Variants in ZNF382 observed in about 807,000 individuals in gnomAD.
ZNF382 encodes KRAB/zinc finger suppressor protein 1.
In ZNF382, 20 loss-of-function variants were observed where a neutral mutation model predicts 38.8. The observed-to-expected ratio is 0.51, with a 90% CI of 0.36 to 0.75. The LOEUF is 0.75. Ranked by LOEUF, ZNF382 falls within the 30% of genes least tolerant of loss-of-function variation. ZNF382 has a pLI of 0.00. For missense variants in ZNF382, 546 were observed against 654.1 expected, an observed-to-expected ratio of 0.83 and a Z score of 1.80; for synonymous variants, 202 against 223.1, an observed-to-expected ratio of 0.91 and a Z score of 0.84.
Position 36,607,597 on chromosome 19 carries a change from C to G in ZNF382, c.-39C>G. 1 of 1,532,014 alleles carries G rather than the reference C, an allele frequency of 6.5e-7. No homozygotes were observed. Among genetic ancestry groups the G allele is most frequent in the South Asian group, 1.2e-5 (1 of 83,232 alleles). The allele number at this position is 1,532,014 out of a possible 1,614,324, so 94.9% of individuals were successfully genotyped here. On this transcript the variant is annotated 5_prime_UTR_variant, in exon 2 of 5. It adds an upstream start codon to the 5' untranslated region. Transcript: ENST00000292928. ...GAGGAGCTCAAAAGAGAAAGTTCAT[C>G]TAGAAATCTCAAAGCCATGTCTCAG... is the stretch of plus-strand genomic sequence containing the variant.
chr19:36,618,532 C>G (rs1263020371), intron 4 of ZNF382, among the ~76,000 whole-genome samples: 1 of 152,188 alleles, frequency 6.6e-6, no homozygotes, highest in African/African-American at 2.4e-5. Flanking sequence ...TGTGCTTTCT[C>G]CTGGAGATCT....
chr19:36,630,643 T>A lies in ZNF382; in HGVS notation c.*3093T>A, dbSNP rs894756231. On this transcript the variant is annotated 3_prime_UTR_variant, in exon 5 of 5. Transcript: ENST00000292928. The stretch of plus-strand genomic sequence containing the variant: ...CCACCGCACCCAGCCGAAATTGTGT[T>A]TTCTAAAGCTATTTACATATAAGCT... 3 of 152,044 alleles carry A rather than the reference T, an allele frequency of 2.0e-5. No homozygotes were observed. The highest frequency in any genetic ancestry group is 2.9e-5 in the Non-Finnish European group (2 of 68,032). 9.4% of individuals were successfully genotyped at this position (152,044 alleles called of 1,614,324 possible). A position where few individuals can be genotyped will look rare whatever the true frequency, so the allele number is the denominator to read the frequency against.
At chr19:36,610,520 T>C in intron 3 of ZNF382, 130 bp from the exon 4 acceptor site, 1 of 603,122 alleles carries the variant, frequency 1.7e-6, no homozygotes. Flanking sequence ...ACTTGTGTAG[T>C]GTAAGGTATT....
At position 36,626,640 on chromosome 19, in the gene ZNF382, C is replaced by G; in HGVS notation, c.743C>G (p.Ala248Gly). The G allele has an allele frequency of 6.2e-7, 1 of 1,614,078 alleles. No homozygotes were observed. Among genetic ancestry groups the G allele is most frequent in the Non-Finnish European group, 8.5e-7 (1 of 1,180,032 alleles). Residue 248 changes from alanine to glycine, a missense_variant, in exon 5 of 5, where the codon GCC (alanine) becomes GGC (glycine). By Grantham distance (60) the Ala-to-Gly change is moderately conservative. Coordinates refer to ENST00000292928, the MANE Select transcript of ZNF382 (RefSeq NM_032825.5). ...RTFEYNKDGI[A>G]FIEKSSLSVH... Reference sequence around the variant, plus strand: ...TTTGAATACAATAAAGATGGAATTGCCTTCATAGAAAAGTCAAGCCTCAGT... The same window carrying G: ...TTTGAATACAATAAAGATGGAATTGGCTTCATAGAAAAGTCAAGCCTCAGT...
chr19:36,627,056 A>G lies in ZNF382; in HGVS notation c.1159A>G (p.Ser387Gly). 1.2e-6 allele frequency: 2 copies of G among 1,613,944 alleles called. No homozygotes were observed. The highest frequency in any genetic ancestry group is 1.7e-6 in the Non-Finnish European group (2 of 1,179,982). Residue 387 changes from serine (S) to glycine (G), a missense_variant, in exon 5 of 5, where the codon AGT becomes GGT. Ser to Gly is a moderately conservative substitution (Grantham distance 56). Transcript: ENST00000292928. ...EKAYECPQCG[S>G]AFRKKSYLID... is the part of the protein sequence containing the mutation. ...AGCCTATGAATGTCCTCAGTGTGGA[A>G]GTGCCTTTAGGAAGAAGTCATACCT... is the stretch of plus-strand genomic sequence containing the variant.
In ZNF382 at chr19:36,618,977, G is replaced by C. The variant is rs201981068; in HGVS notation, c.233-7153G>C. Among the ~76,000 whole-genome samples, 19 of 152,316 alleles carry C rather than the reference G, an allele frequency of 1.2e-4. No homozygotes were observed. In the East Asian group the frequency reaches 2.9e-3, roughly 23 times the overall value. ...TGCTAGGACCCAGGAGGTGGAGGTA[G>C]ATCGCGCCACTGCACTCCAGCATAG... On this transcript the variant is annotated intron_variant, in intron 4 of 4. Transcript: ENST00000292928.
rs1164806047 is a variant in ZNF382 at position 36,627,258 on chromosome 19, A to G, written c.1361A>G (p.His454Arg). Residue 454 changes from histidine (H) to arginine (R), a missense_variant, in exon 5 of 5, where the codon CAC becomes CGC. Physicochemically the swap from His to Arg is conservative, Grantham distance 29. Transcript: ENST00000292928. ...TGCCAAAAGACAACCCTCACTCTCCACCAGAGAATTCACACGGGGGAAAAA... is the reference window on the plus strand; with the variant it reads ...TGCCAAAAGACAACCCTCACTCTCCGCCAGAGAATTCACACGGGGGAAAAA... ...SFCQKTTLTLHQRIHTGEKPY... is the reference protein window; with the variant it reads ...SFCQKTTLTLRQRIHTGEKPY... The G allele has an allele frequency of 1.2e-6, 2 of 1,613,534 alleles. No individual in the cohort carries two copies. Among genetic ancestry groups the G allele is most frequent in the Admixed American group, 3.3e-5 (2 of 59,914 alleles).
At chr19:36,624,111 G>A (rs1330713369) in intron 4 of ZNF382, among the ~76,000 whole-genome samples, 1 of 151,912 alleles carries the variant, frequency 6.6e-6, no homozygotes, top group Admixed American at 6.6e-5. Context: ...GAAAGACTAT[G>A]TGAAAACTTT....
intron 4 of ZNF382, among the ~76,000 whole-genome samples, chr19:36,617,326 A>G (rs567711831): frequency 3.3e-5 from 5 of 152,290 alleles, no homozygotes; most frequent in African/African-American, 1.2e-4. Context: ...AGAGGAGCCT[A>G]GGATTCTAAC....
In ZNF382 at chr19:36,626,738, C is replaced by T. The variant is rs1393666374; in HGVS notation, c.841C>T (p.Pro281Ser). ...NKYGKFLCRK[P>S]VFIMPQRPQT... ...ATATGGGAAATTCCTCTGCAGAAAGCCTGTTTTTATTATGCCTCAGAGACC... is the reference window on the plus strand; with the variant it reads ...ATATGGGAAATTCCTCTGCAGAAAGTCTGTTTTTATTATGCCTCAGAGACC... Residue 281 changes from proline to serine, a missense_variant, in exon 5 of 5, where the codon CCT becomes TCT. Pro to Ser is a moderately conservative substitution (Grantham distance 74). Transcript: ENST00000292928. 1.9e-6 allele frequency: 3 copies of T among 1,614,010 alleles called. No individual in the cohort carries two copies. The highest frequency in any genetic ancestry group is 2.5e-6 in the Non-Finnish European group (3 of 1,180,032).
rs142867947 is a variant in ZNF382, at chr19:36,605,918, T to C, written c.-85+571T>C. On this transcript the variant is annotated intron_variant, in intron 1 of 4. Coordinates refer to ENST00000292928, the MANE Select transcript of ZNF382 (RefSeq NM_032825.5). ...GTGGTTGTGACTGCCTGGAGTCGTGTTAGCTGCTGTCTGAGGTTGTGAATG... is the reference window on the plus strand; with the variant it reads ...GTGGTTGTGACTGCCTGGAGTCGTGCTAGCTGCTGTCTGAGGTTGTGAATG... Among the ~76,000 whole-genome samples the C allele has an allele frequency of 6.9e-3, 1,058 of 152,280 alleles. 16 individuals are homozygous for C. The South Asian group carries it at 0.073, about 11-fold the overall frequency.
Position 36,610,724 on chromosome 19 carries a change from C to G in ZNF382, c.214C>G (p.Pro72Ala). ...GEELWTQRIF[P>A]SYSYLEEDGK... ...AGAGCTATGGACACAGAGAATTTTT[C>G]CAAGTTACAGCTACCTAGGTGAGTC... Residue 72 changes from proline to alanine, a missense_variant, in exon 4 of 5, where the codon CCA (proline) becomes GCA (alanine). Transcript: ENST00000292928. 1.9e-6 allele frequency: 3 copies of G among 1,612,790 alleles called. No homozygotes were observed. Among genetic ancestry groups the G allele is most frequent in the Non-Finnish European group, 2.5e-6 (3 of 1,179,204 alleles).
chr19:36,625,256 T>G (rs1044146172), intron 4 of ZNF382, among the ~76,000 whole-genome samples: 1 of 151,424 alleles, frequency 6.6e-6, no homozygotes, highest in African/African-American at 2.4e-5. Context: ...TACGGTTATA[T>G]GGACATCTAG....
At chr19:36,605,456 AGTCCG>A (rs1486043819) in intron 1 of ZNF382, 109 bp downstream of exon 1, 1 of 152,576 alleles carries the variant, frequency 6.6e-6, no homozygotes, top group Non-Finnish European at 1.5e-5. Context: ...GGTAACCAAG[AGTCCG>A]AGCCGGGCCT....
chr19:36,633,712 G>A lies in ZNF382; in HGVS notation c.*6162G>A, dbSNP rs556185935. The A allele has an allele frequency of 6.6e-6, 1 of 152,110 alleles. No individual in the cohort carries two copies. The highest frequency in any genetic ancestry group is 1.9e-4 in the East Asian group (1 of 5,176). 9.4% of individuals were successfully genotyped at this position (152,110 alleles called of 1,614,324 possible). The stretch of plus-strand genomic sequence containing the variant: ...TCTTCAGTGTGTAAATGGATACACT[G>A]TGGTACATTCCCAAGATGGAATTCT... On this transcript the variant is annotated 3_prime_UTR_variant, in exon 5 of 5. Coordinates refer to ENST00000292928, the MANE Select transcript of ZNF382 (RefSeq NM_032825.5).
intron 2 of ZNF382, chr19:36,609,347 A>G (rs1405743040): frequency 1.3e-5 from 2 of 152,216 alleles, no homozygotes; most frequent in Non-Finnish European, 2.9e-5. Flanking sequence ...TAATATCCCC[A>G]TTGCCTATCT....
chr19:36,625,999 C>T, intron 4 of ZNF382, 131 bp from the exon 5 acceptor site: 2 of 553,048 alleles, frequency 3.6e-6, no homozygotes, highest in South Asian at 5.9e-5. Flanking sequence ...TTTTCCCTAC[C>T]AAGAGGTAAT....
At position 36,615,193 on chromosome 19, in the gene ZNF382, G is replaced by A. The variant is rs539390746; in HGVS notation, c.232+4451G>A. ...AGTAGAGACTGAGTTTCACCATATT[G>A]GCCAGGCTGGTCTCGAACTCCTGAC... On this transcript the variant is annotated intron_variant, in intron 4 of 4. Coordinates refer to ENST00000292928, the MANE Select transcript of ZNF382 (RefSeq NM_032825.5). Among the ~76,000 whole-genome samples, 59 of 151,812 alleles carry A rather than the reference G, an allele frequency of 3.9e-4. 1 individual carries two copies. Among genetic ancestry groups the A allele is most frequent in the African/African-American group, 1.4e-3 (57 of 41,394 alleles).
chr19:36,623,103 T>C (rs2037182289), intron 4 of ZNF382, among the ~76,000 whole-genome samples: 1 of 152,168 alleles, frequency 6.6e-6, no homozygotes, highest in Non-Finnish European at 1.5e-5. Context: ...CATTTGCCTT[T>C]CCTTACTGCA....
Sources: allele counts gnomAD v4.1 joint callset (sites outside exome capture counted in the v4.1 genomes callset), GRCh38; gene constraint gnomAD v4.1.1; transcripts MANE v1.5; gene names NCBI Gene and HGNC (gene_info 2026-07-23, HGNC 2026-07-21).